FCER1G: variants seen among roughly 807,000 people sequenced by gnomAD.
FCER1G encodes the protein Fc epsilon receptor Ig.
Under a neutral mutation model 17.3 loss-of-function variants are expected in FCER1G, and 7 were observed. The ratio of observed to expected loss-of-function variants is 0.40; its 90% CI spans 0.23 to 0.76. The LOEUF (loss-of-function observed/expected upper bound fraction) is 0.76, where lower values mean the gene tolerates loss of function less well. Among genes scored for constraint, FCER1G ranks in the 30% least tolerant of loss-of-function variants. The pLI is 0.35. For synonymous variants in FCER1G, 35 were observed against 38.7 expected (o/e 0.90, Z 0.35); for missense variants, 87 against 97.7 (o/e 0.89, Z 0.46).
chr1:161,219,012 A>G lies in FCER1G; in HGVS notation c.*69A>G. 8.5e-7 allele frequency: 1 copy of G among 1,172,992 alleles called. No homozygotes were observed. The highest frequency in any genetic ancestry group is 1.3e-6 in the Non-Finnish European group (1 of 778,666). 72.7% of individuals were successfully genotyped at this position (1,172,992 alleles called of 1,614,324 possible). A position where few individuals can be genotyped will look rare whatever the true frequency, so the allele number is the denominator to read the frequency against. On this transcript the variant is annotated 3_prime_UTR_variant, in exon 5 of 5. Transcript: ENST00000289902. ...TTCCAGCCCTCATGGTTGGCATCACATATGCCTGCATGCCATTAACACCAG... is the reference window on the plus strand; with the variant it reads ...TTCCAGCCCTCATGGTTGGCATCACGTATGCCTGCATGCCATTAACACCAG...
chr1:161,216,375 C>T (rs1459855494), intron 1 of FCER1G, among the ~76,000 whole-genome samples: 6 of 127,284 alleles, frequency 4.7e-5, no homozygotes, highest in African/African-American at 2.0e-4. Flanking sequence ...CACACACACA[C>T]ATACACACAC....
chr1:161,216,423 T>TAGAGAGAGAG (rs775459058), intron 1 of FCER1G, among the ~76,000 whole-genome samples: 5 of 142,284 alleles, frequency 3.5e-5, no homozygotes, highest in South Asian at 2.3e-4. Context: ...TATATATATA[T>TAGAGAGAGAG]ATATAGAGAG....
intron 1 of FCER1G, among the ~76,000 whole-genome samples, chr1:161,216,919 G>A (rs1666065572): frequency 6.6e-6 from 1 of 152,166 alleles, no homozygotes; most frequent in African/African-American, 2.4e-5. Context: ...GGCCCGCTGA[G>A]GCACAAAGGA....
intron 1 of FCER1G, among the ~76,000 whole-genome samples, chr1:161,216,548 T>G (rs1326300988): frequency 3.9e-5 from 6 of 152,008 alleles, no homozygotes; most frequent in Non-Finnish European, 5.9e-5. Flanking sequence ...TATGGGTCAT[T>G]GTTAATGCTC....
intron 1 of FCER1G, 26 bp from the exon 2 acceptor site, chr1:161,217,960 C>G: frequency 3.3e-6 from 5 of 1,518,140 alleles, no homozygotes; most frequent in Non-Finnish European, 4.6e-6. Flanking sequence ...TACCCCCGAC[C>G]CCATGGGCAT....
At position 161,215,311 on chromosome 1, in the gene FCER1G, T is replaced by C; in HGVS notation, c.-11T>C. ...CACAGTGCTGTCAGAACGGCCGATCTCCAGCCCAAGATGATTCCAGCAGTG... is the reference window on the plus strand; with the variant it reads ...CACAGTGCTGTCAGAACGGCCGATCCCCAGCCCAAGATGATTCCAGCAGTG... On this transcript the variant is annotated 5_prime_UTR_variant, in exon 1 of 5. Transcript: ENST00000289902. 1 of 1,613,602 alleles carries C rather than the reference T, an allele frequency of 6.2e-7. No homozygotes were observed. The highest frequency in any genetic ancestry group is 8.5e-7 in the Non-Finnish European group (1 of 1,179,646).
Position 161,218,971 on chromosome 1 carries a change from C to T in FCER1G, c.*28C>T. ...TTAGAATAGATGCGGTCATATTCTT[C>T]TTTGGCTTCTGGTTCTTCCAGCCCT... On this transcript the variant is annotated 3_prime_UTR_variant, in exon 5 of 5. Transcript: ENST00000289902. 6.3e-7 allele frequency: 1 copy of T among 1,578,014 alleles called. No homozygotes were observed. Among genetic ancestry groups the T allele is most frequent in the South Asian group, 1.1e-5 (1 of 90,332 alleles).
Position 161,218,085 on chromosome 1 carries a change from T to G in FCER1G, c.141+8T>G. On this transcript the variant is annotated splice_region_variant and intron_variant, in intron 2 of 4. Coordinates refer to ENST00000289902, the MANE Select transcript of FCER1G (RefSeq NM_004106.2). ...CTCTACTGTCGACTGAAGGTAGCGC[T>G]GGGCAGGGTGGGGTAAGGGCTGGAA... 1 of 1,599,394 alleles carries G rather than the reference T, an allele frequency of 6.3e-7. No homozygotes were observed. Among genetic ancestry groups the G allele is most frequent in the Non-Finnish European group, 8.6e-7 (1 of 1,166,858 alleles).
chr1:161,216,427 TAG>T (rs543686283), intron 1 of FCER1G, among the ~76,000 whole-genome samples: 121 of 136,114 alleles, frequency 8.9e-4, no homozygotes, highest in African/African-American at 2.5e-3. Flanking sequence ...TATATATATA[TAG>T]AGAGAGAGAG....
chr1:161,217,621 A>G (rs1338286833), intron 1 of FCER1G, among the ~76,000 whole-genome samples: 3 of 151,886 alleles, frequency 2.0e-5, no homozygotes, highest in Non-Finnish European at 2.9e-5. Flanking sequence ...ATCTTGGCTG[A>G]GGTTTTGGTT....
In FCER1G at chr1:161,218,290, T is replaced by G; in HGVS notation, c.177+14T>G. 6.2e-7 allele frequency: 1 copy of G among 1,611,066 alleles called. No homozygotes were observed. Among genetic ancestry groups the G allele is most frequent in the Non-Finnish European group, 8.5e-7 (1 of 1,177,244 alleles). On this transcript the variant is annotated intron_variant, in intron 3 of 4. Transcript: ENST00000289902. ...ACCAGCTATGAGGTATGGACCCTCC[T>G]ACACCTGGTGTGGACAACTTTTCAG...
rs1161837486 is a variant in FCER1G, at chr1:161,215,347, T to TA, written c.27dup (p.Leu10ThrfsTer5). ...ATGATTCCAGCAGTGGTCTTGCTCT[T>TA]ACTCCTTTTGGTTGAACAAGCAGGT... On this transcript the variant is annotated frameshift_variant, in exon 1 of 5. Coordinates refer to ENST00000289902, the MANE Select transcript of FCER1G (RefSeq NM_004106.2). LOFTEE classifies it high-confidence loss of function. 7 of 1,613,568 alleles carry TA rather than the reference T, an allele frequency of 4.3e-6. No homozygotes were observed. Among genetic ancestry groups the TA allele is most frequent in the Non-Finnish European group, 5.1e-6 (6 of 1,179,754 alleles).
chr1:161,218,250 C>T lies in FCER1G; in HGVS notation c.151C>T (p.Arg51Ter). ...CTTTCCCCCATTCCAGATCCAAGTG[C>T]GAAAGGCAGCTATAACCAGCTATGA... ...LLYCRLKIQV[R>*]KAAITSYEKS... The change falls in exon 3 of 5, where the codon CGA (arginine) becomes TGA (stop). Residue 51 changes from arginine (R) to a stop codon, truncating the protein, a stop_gained. Coordinates refer to ENST00000289902, the MANE Select transcript of FCER1G (RefSeq NM_004106.2). LOFTEE classifies it high-confidence loss of function. 1.2e-6 allele frequency: 2 copies of T among 1,613,706 alleles called. No individual in the cohort carries two copies. The highest frequency in any genetic ancestry group is 8.5e-7 in the Non-Finnish European group (1 of 1,179,602).
At chr1:161,218,610 G>A in intron 3 of FCER1G, 93 bp from the exon 4 acceptor site, 1 of 1,377,878 alleles carries the variant, frequency 7.3e-7, no homozygotes, top group Non-Finnish European at 1.0e-6. Flanking sequence ...GTGGCTGGCT[G>A]CCCACCCCCC....
At chr1:161,218,360 G>A in intron 3 of FCER1G, 84 bp downstream of exon 3, 1 of 1,172,290 alleles carries the variant, frequency 8.5e-7, no homozygotes, top group Non-Finnish European at 1.3e-6. Context: ...CCGGGCCTCT[G>A]GGAGGGCCTG....
At position 161,215,330 on chromosome 1, in the gene FCER1G, A is replaced by G. The variant is rs759879451; in HGVS notation, c.9A>G (p.Pro3=). ...CCGATCTCCAGCCCAAGATGATTCC[A>G]GCAGTGGTCTTGCTCTTACTCCTTT... MI[P]AVVLLLLLLV... The change falls in exon 1 of 5, where the codon CCA becomes CCG. Residue 3 remains proline (P), a synonymous_variant. Coordinates refer to ENST00000289902, the MANE Select transcript of FCER1G (RefSeq NM_004106.2). 1.1e-5 allele frequency: 18 copies of G among 1,613,744 alleles called. No individual in the cohort carries two copies. In the South Asian group the frequency reaches 1.3e-4, roughly 12 times the overall value.
chr1:161,218,422 C>T, intron 3 of FCER1G, 146 bp downstream of exon 3: 1 of 731,080 alleles, frequency 1.4e-6, no homozygotes, highest in South Asian at 1.5e-5. Context: ...CCCACCTTAC[C>T]TAGCCAAGCC....
chr1:161,216,395 CACACACACACACACACAT>C (rs1380643047), intron 1 of FCER1G, among the ~76,000 whole-genome samples: 2 of 137,872 alleles, frequency 1.5e-5, no homozygotes, highest in Non-Finnish European at 3.2e-5. Flanking sequence ...CACACACACA[CACACACACACACACACAT>C]ATATATATAT....
At chr1:161,218,575 C>G in intron 3 of FCER1G, 128 bp from the exon 4 acceptor site, 1 of 885,266 alleles carries the variant, frequency 1.1e-6, no homozygotes, top group Non-Finnish European at 1.9e-6. Flanking sequence ...CCCAGAGTGT[C>G]CATGTGAGTG....
Sources: allele counts gnomAD v4.1 joint callset (sites outside exome capture counted in the v4.1 genomes callset), GRCh38; gene constraint gnomAD v4.1.1; transcripts MANE v1.5; gene names NCBI Gene and HGNC (gene_info 2026-07-23, HGNC 2026-07-21).